LRRK1: variants seen among roughly 807,000 people sequenced by gnomAD.
LRRK1 encodes the protein leucine rich repeat kinase 1.
LRRK1 carries 113 observed loss-of-function variants against 209.1 expected under a neutral mutation model. The observed-to-expected ratio is 0.54, with a 90% CI of 0.46 to 0.63. LRRK1 has a LOEUF of 0.63. Among genes scored for constraint, LRRK1 ranks in the 30% least tolerant of loss-of-function variants. The probability of loss-of-function intolerance (pLI) is 0.00; values close to 1 mark genes in which losing one functional copy is unlikely to be tolerated. For synonymous variants in LRRK1, 1,144 were observed against 1,099.7 expected (o/e 1.04, Z -0.80); for missense variants, 2,284 against 2,632.2 (o/e 0.87, Z 2.89).
At chr15:101,044,089 T>A (rs2034917389) in intron 20 of LRRK1, 1 of 152,228 alleles carries the variant, frequency 6.6e-6, no homozygotes, top group South Asian at 2.1e-4. Context: ...CCCAGGCAAG[T>A]CCCCGCTCCT....
At position 100,988,657 on chromosome 15, in the gene LRRK1, C is replaced by T; in HGVS notation, c.457C>T (p.Leu153=). ...AGGTCCCTGCAGTCCCCAGCGGCTT[C>T]TGAACTGGATGCTGGCCTTGGCTTG... is the stretch of plus-strand genomic sequence containing the variant. ...LPGPCSPQRL[L]NWMLALACQR... is the part of the protein sequence containing the mutation. The change falls in exon 5 of 34, where the codon CTG becomes TTG. Residue 153 remains leucine (L), a synonymous_variant. Transcript: ENST00000388948. 1.2e-6 allele frequency: 2 copies of T among 1,614,228 alleles called. No homozygotes were observed. Among genetic ancestry groups the T allele is most frequent in the Non-Finnish European group, 1.7e-6 (2 of 1,180,052 alleles).
intron 33 of LRRK1, chr15:101,067,420 A>C: frequency 2.9e-6 from 1 of 347,038 alleles, no homozygotes; most frequent in Non-Finnish European, 5.5e-6. Context: ...CCTCAGTTCA[A>C]ATGTGTGTGT....
chr15:100,979,408 A>G (rs1340434563), intron 3 of LRRK1, among the ~76,000 whole-genome samples: 2 of 152,220 alleles, frequency 1.3e-5, no homozygotes, highest in South Asian at 2.1e-4. Context: ...ATACTATTCA[A>G]TGTATTTAAT....
chr15:101,037,183 T>A (rs1364858020), intron 20 of LRRK1, among the ~76,000 whole-genome samples: 1 of 152,120 alleles, frequency 6.6e-6, no homozygotes, highest in Non-Finnish European at 1.5e-5. Flanking sequence ...GTAATGGCAG[T>A]GGAAGTGGCA....
intron 2 of LRRK1, among the ~76,000 whole-genome samples, chr15:100,957,112 CT>C (rs957925877): frequency 2.8e-4 from 42 of 152,134 alleles, no homozygotes; most frequent in African/African-American, 9.9e-4. Context: ...CCATTTTCTT[CT>C]TGTTATTGAC....
At chr15:101,021,652 C>CA (rs2033793031) in intron 13 of LRRK1, 193 bp from the exon 14 acceptor site, 1 of 564,030 alleles carries the variant, frequency 1.8e-6, no homozygotes, top group Non-Finnish European at 3.1e-6. Flanking sequence ...TTGCAGAAGA[C>CA]AGAGCTGCCG....
At chr15:101,054,001 C>T (rs2035642008) in intron 26 of LRRK1, among the ~76,000 whole-genome samples, 1 of 151,986 alleles carries the variant, frequency 6.6e-6, no homozygotes. Flanking sequence ...TTTTTTAATA[C>T]AGGATCTCAC....
intron 2 of LRRK1, among the ~76,000 whole-genome samples, chr15:100,951,171 A>G (rs963260528): frequency 5.3e-5 from 8 of 152,270 alleles, no homozygotes; most frequent in African/African-American, 1.9e-4. Flanking sequence ...GAAAATGGCC[A>G]ATCAGCACAT....
intron 6 of LRRK1, among the ~76,000 whole-genome samples, chr15:100,992,804 G>T (rs2032216907): frequency 6.6e-6 from 1 of 152,126 alleles, no homozygotes; most frequent in African/African-American, 2.4e-5. Context: ...AAGTAGCAGG[G>T]ATTACAGGTG....
At chr15:100,926,200 G>A (rs2042106249) in intron 2 of LRRK1, among the ~76,000 whole-genome samples, 2 of 152,142 alleles carry the variant, frequency 1.3e-5, no homozygotes, top group Admixed American at 1.3e-4. Flanking sequence ...CTTTTTCTTT[G>A]TATTAGACGT....
intron 3 of LRRK1, among the ~76,000 whole-genome samples, chr15:100,977,033 G>T (rs2031333412): frequency 6.6e-6 from 1 of 152,136 alleles, no homozygotes; most frequent in Non-Finnish European, 1.5e-5. Flanking sequence ...ACAAACGTAG[G>T]ATTCTAAAAG....
chr15:100,959,687 G>A (rs1232499520), intron 2 of LRRK1, among the ~76,000 whole-genome samples: 1 of 152,158 alleles, frequency 6.6e-6, no homozygotes, highest in Non-Finnish European at 1.5e-5. Flanking sequence ...CTTTGTGTAT[G>A]TATTTTTTTA....
rs200971195 is a variant in LRRK1 at position 101,022,472 on chromosome 15, C to T, written c.1942C>T (p.Arg648Cys). The T allele has an allele frequency of 2.5e-5, 41 of 1,614,116 alleles. No individual in the cohort carries two copies. The highest frequency in any genetic ancestry group is 3.1e-5 in the Non-Finnish European group (36 of 1,180,048). ...GAAGATGATCATCGTGGGTCCCCCG[C>T]GCCAGGGCAAGTCCACCCTCCTGGA... ...LMKMIIVGPP[R>C]QGKSTLLEIL... Residue 648 changes from arginine (R) to cysteine (C), a missense_variant, in exon 15 of 34, where the codon CGC becomes TGC. Physicochemically the swap from Arg to Cys is radical, Grantham distance 180. This residue lies in a region of LRRK1 where 494 missense variants were observed against 522.1 expected (regional missense o/e 0.95). Transcript: ENST00000388948. The surrounding 1 kb of genome is among the most constrained non-coding windows in gnomAD (Gnocchi z 4.0).
At position 100,983,509 on chromosome 15, in the gene LRRK1, CCTGTT is replaced by C; in HGVS notation, c.262-13_262-9del. 2 of 1,563,970 alleles carry C rather than the reference CCTGTT, an allele frequency of 1.3e-6. No homozygotes were observed. Among genetic ancestry groups the C allele is most frequent in the Non-Finnish European group, 1.7e-6 (2 of 1,151,620 alleles). ...CTAATAGAGCCAGTCTCACTGGAGC[CCTGTT>C]CTGTTTTGACCAGGGCCAGCTTCTG... On this transcript the variant is annotated splice_polypyrimidine_tract_variant and intron_variant, in intron 3 of 33. Transcript: ENST00000388948.
At chr15:101,061,532 CAGATGT>C (rs976231744) in intron 30 of LRRK1, among the ~76,000 whole-genome samples, 3 of 152,344 alleles carry the variant, frequency 2.0e-5, no homozygotes, top group Admixed American at 6.5e-5. Flanking sequence ...TGGTGAGGAC[CAGATGT>C]AGACCCTCAG....
intron 26 of LRRK1, among the ~76,000 whole-genome samples, chr15:101,054,175 C>A (rs1031722127): frequency 6.6e-6 from 1 of 152,142 alleles, no homozygotes; most frequent in African/African-American, 2.4e-5. Flanking sequence ...GCCTTTCACC[C>A]TGTTGCCCAG....
chr15:101,017,823 C>G (rs2033613232), intron 12 of LRRK1, among the ~76,000 whole-genome samples: 1 of 151,842 alleles, frequency 6.6e-6, no homozygotes, highest in Admixed American at 6.6e-5. Flanking sequence ...TAAAAGGATG[C>G]TTGCGTGCGT....
intron 28 of LRRK1, 38 bp downstream of exon 28, chr15:101,057,088 T>C (rs762883934): frequency 6.6e-7 from 1 of 1,523,744 alleles, no homozygotes; most frequent in East Asian, 2.3e-5. Flanking sequence ...TGGGACCTCC[T>C]GCCATGTGAG....
intron 2 of LRRK1, among the ~76,000 whole-genome samples, chr15:100,928,705 G>T (rs1288909685): frequency 6.6e-6 from 1 of 152,098 alleles, no homozygotes; most frequent in Admixed American, 6.5e-5. Context: ...TTTTTTATTT[G>T]TGTACTAGGC....
Sources: allele counts gnomAD v4.1 joint callset (sites outside exome capture counted in the v4.1 genomes callset), GRCh38; gene constraint gnomAD v4.1.1; regional missense constraint gnomAD v4.1.1; non-coding constraint Gnocchi (gnomAD v3.1); transcripts MANE v1.5; gene names NCBI Gene and HGNC (gene_info 2026-07-23, HGNC 2026-07-21).